The following EPC1 variants were observed in gnomAD, a reference collection of about 807,000 sequenced individuals.
EPC1 encodes enhancer of polycomb homolog 1.
A neutral mutation model predicts 98.4 loss-of-function variants in EPC1; 12 were observed. The ratio of observed to expected loss-of-function variants is 0.12; its 90% CI spans 0.08 to 0.20. The LOEUF (loss-of-function observed/expected upper bound fraction) is 0.20, where lower values mean the gene tolerates loss of function less well. Among genes scored for constraint, EPC1 ranks in the 10% least tolerant of loss-of-function variants. The probability of loss-of-function intolerance (pLI) is 1.00; values close to 1 mark genes in which losing one functional copy is unlikely to be tolerated. For missense variants in EPC1, 729 were observed against 990.5 expected, an observed-to-expected ratio of 0.74 and a Z score of 3.54; for synonymous variants, 357 against 363.9, an observed-to-expected ratio of 0.98 and a Z score of 0.21.
At chr10:32,342,646 G>A (rs1838440088) in intron 1 of EPC1, among the ~76,000 whole-genome samples, 1 of 152,126 alleles carries the variant, frequency 6.6e-6, no homozygotes, top group Non-Finnish European at 1.5e-5. Context: ...GTATCAATAT[G>A]AAAACATCAT....
intron 1 of EPC1, among the ~76,000 whole-genome samples, chr10:32,356,550 G>A (rs1376745055): frequency 6.6e-6 from 1 of 152,100 alleles, no homozygotes; most frequent in African/African-American, 2.4e-5. Flanking sequence ...ATTTCAAGGA[G>A]GAGATCAACG....
chr10:32,269,398 G>T, intron 13 of EPC1: 1 of 306,316 alleles, frequency 3.3e-6, no homozygotes, highest in East Asian at 7.5e-5. Context: ...TAAAAACAAA[G>T]AATTCCCATG....
At chr10:32,333,202 T>G (rs970633336) in intron 1 of EPC1, among the ~76,000 whole-genome samples, 1 of 152,108 alleles carries the variant, frequency 6.6e-6, no homozygotes, top group Admixed American at 6.5e-5. Context: ...TAGCCGGGCA[T>G]GGTGGCGTGC....
At position 32,303,587 on chromosome 10, in the gene EPC1, C is replaced by T. The variant is rs572672731; in HGVS notation, c.313+2185G>A. The stretch of plus-strand genomic sequence containing the variant: ...ACTGCATGATTCCATTTATGTAACA[C>T]CCGTGAACATAATTATACAGATGGA... On this transcript the variant is annotated intron_variant, in intron 2 of 13. Coordinates refer to ENST00000319778, the MANE Select transcript of EPC1 (RefSeq NM_001272004.3). Among the ~76,000 whole-genome samples the T allele has an allele frequency of 5.5e-4, 84 of 152,252 alleles. 1 individual carries two copies. Among genetic ancestry groups the T allele is most frequent in the African/African-American group, 1.9e-3 (80 of 41,544 alleles).
chr10:32,343,197 T>A (rs1010994111), intron 1 of EPC1, among the ~76,000 whole-genome samples: 7 of 152,130 alleles, frequency 4.6e-5, no homozygotes, highest in Non-Finnish European at 7.4e-5. Context: ...TCATCATCCG[T>A]TACTTTATTT....
chr10:32,373,932 A>C lies in EPC1; in HGVS notation c.3+4559T>G, dbSNP rs192029615. ...TAGGGTTCTATGTTAGTATGAAAGC[A>C]AACTAAATAATATAACACACCTAGC... On this transcript the variant is annotated intron_variant, in intron 1 of 13. Transcript: ENST00000375110. Among the ~76,000 whole-genome samples the C allele has an allele frequency of 3.9e-5, 6 of 152,324 alleles. No homozygotes were observed. In the East Asian group the frequency reaches 1.2e-3, roughly 29 times the overall value.
At chr10:32,296,563 C>T (rs1323724856) in intron 2 of EPC1, among the ~76,000 whole-genome samples, 1 of 152,126 alleles carries the variant, frequency 6.6e-6, no homozygotes. Flanking sequence ...AGTGTCTGAG[C>T]CCTTTTGCCT....
At chr10:32,352,255 G>C (rs918579395) in intron 1 of EPC1, among the ~76,000 whole-genome samples, 1 of 150,660 alleles carries the variant, frequency 6.6e-6, no homozygotes, top group African/African-American at 2.4e-5. Flanking sequence ...CACTGTGTTA[G>C]CCAGGATGGT....
At chr10:32,290,354 G>A (rs1231422293) in intron 6 of EPC1, among the ~76,000 whole-genome samples, 24 of 151,464 alleles carry the variant, frequency 1.6e-4, no homozygotes, top group African/African-American at 4.4e-4. Flanking sequence ...ATGGTGGCGC[G>A]TGCTACCTGT....
intron 13 of EPC1, 40 bp downstream of exon 13, chr10:32,271,514 T>C: frequency 1.3e-6 from 2 of 1,588,126 alleles, no homozygotes; most frequent in South Asian, 1.1e-5. Context: ...TGAAGTTAGA[T>C]CTCTTATTCC....
At chr10:32,298,791 G>T (rs1185346582) in intron 2 of EPC1, among the ~76,000 whole-genome samples, 2 of 152,142 alleles carry the variant, frequency 1.3e-5, no homozygotes, top group Admixed American at 6.5e-5. Flanking sequence ...TGCTGTTATA[G>T]ATTTTATCTG....
intron 1 of EPC1, among the ~76,000 whole-genome samples, chr10:32,370,512 AG>A (rs1839716533): frequency 6.6e-6 from 1 of 152,222 alleles, no homozygotes; most frequent in South Asian, 2.1e-4. Context: ...AAAACTTTTT[AG>A]GGTAGGGCAT....
intron 1 of EPC1, among the ~76,000 whole-genome samples, chr10:32,325,933 G>A (rs1440086954): frequency 2.0e-5 from 3 of 151,964 alleles, no homozygotes; most frequent in Admixed American, 1.3e-4. Context: ...AAGTAAATGA[G>A]GTCTTTATGT....
intron 13 of EPC1, among the ~76,000 whole-genome samples, chr10:32,269,716 CATGAT>C (rs1835749041): frequency 6.6e-6 from 1 of 152,214 alleles, no homozygotes; most frequent in Non-Finnish European, 1.5e-5. Flanking sequence ...GCAGTAAAAT[CATGAT>C]ATGAGTCAGA....
intron 10 of EPC1, among the ~76,000 whole-genome samples, chr10:32,279,317 C>T (rs1435252062): frequency 1.3e-5 from 2 of 149,770 alleles, no homozygotes; most frequent in Non-Finnish European, 3.0e-5. Flanking sequence ...TACTGCACTC[C>T]AGCCTGGGCG....
chr10:32,337,059 G>C (rs1173282619), intron 1 of EPC1, among the ~76,000 whole-genome samples: 2 of 152,182 alleles, frequency 1.3e-5, no homozygotes, highest in Admixed American at 6.5e-5. Context: ...TAAACACTGA[G>C]CTTTATGTTG....
At chr10:32,338,310 A>G (rs1414235903) in intron 1 of EPC1, among the ~76,000 whole-genome samples, 1 of 152,106 alleles carries the variant, frequency 6.6e-6, no homozygotes, top group Non-Finnish European at 1.5e-5. Flanking sequence ...TCCTCAAAAT[A>G]TATCTCAAAT....
Position 32,318,799 on chromosome 10 carries a change from G to A in EPC1, c.154-12868C>T, listed in dbSNP as rs1195515955. On this transcript the variant is annotated intron_variant, in intron 1 of 13. Coordinates refer to ENST00000319778, the MANE Select transcript of EPC1 (RefSeq NM_001272004.3). ...ACTCTCCATCCCACGGCCACAGTTC[G>A]TGCAGCAAGTGGCCTTCTAACCTCT... Among the ~76,000 whole-genome samples, 9 of 152,120 alleles carry A rather than the reference G, an allele frequency of 5.9e-5. No homozygotes were observed. The South Asian group carries it at 1.7e-3, about 28-fold the overall frequency.
At chr10:32,308,766 G>A (rs1836024161) in intron 1 of EPC1, among the ~76,000 whole-genome samples, 1 of 152,144 alleles carries the variant, frequency 6.6e-6, no homozygotes, top group Non-Finnish European at 1.5e-5. Flanking sequence ...ATACGATTCA[G>A]CAATCTCACT....
Sources: allele counts gnomAD v4.1 joint callset (sites outside exome capture counted in the v4.1 genomes callset), GRCh38; gene constraint gnomAD v4.1.1; transcripts MANE v1.5; gene names NCBI Gene and HGNC (gene_info 2026-07-23, HGNC 2026-07-21).